The following CSPP1 variants were observed in gnomAD, a reference collection of about 807,000 sequenced individuals.
CSPP1 encodes centrosome and spindle pole-associated protein 1.
CSPP1 carries 126 observed loss-of-function variants against 164.4 expected under a neutral mutation model. That is an observed-to-expected ratio of 0.77 (90% CI 0.66 to 0.89). CSPP1 has a LOEUF of 0.89. Among genes scored for constraint, CSPP1 ranks in the 40% least tolerant of loss-of-function variants. CSPP1 has a pLI of 0.00. For synonymous variants in CSPP1, 472 were observed against 476.7 expected (o/e 0.99, Z 0.13); for missense variants, 1,395 against 1,449.8 (o/e 0.96, Z 0.61).
At chr8:67,150,339 T>C (rs1382441206) in intron 18 of CSPP1, among the ~76,000 whole-genome samples, 2 of 152,190 alleles carry the variant, frequency 1.3e-5, no homozygotes, top group African/African-American at 4.8e-5. Context: ...AAATTCATTT[T>C]TTACTTGTTT....
intron 1 of CSPP1, among the ~76,000 whole-genome samples, chr8:67,073,012 C>A (rs1807161762): frequency 6.6e-6 from 1 of 151,528 alleles, no homozygotes; most frequent in Admixed American, 6.6e-5. Context: ...CAGAGAAATG[C>A]AGATTAAAAC....
At chr8:67,132,193 A>G in intron 16 of CSPP1, 113 bp downstream of exon 16, 4 of 1,107,922 alleles carry the variant, frequency 3.6e-6, no homozygotes, top group Non-Finnish European at 5.0e-6. Flanking sequence ...TTATAATTCA[A>G]AATGCTGAGT....
intron 1 of CSPP1, among the ~76,000 whole-genome samples, chr8:67,070,462 CA>C (rs1211009546): frequency 0.023 from 1,840 of 79,810 alleles, 16 homozygotes; most frequent in Non-Finnish European, 0.034. Flanking sequence ...GACTCCATCT[CA>C]AAAAAAAAAA....
intron 24 of CSPP1, among the ~76,000 whole-genome samples, chr8:67,165,066 C>T (rs113657615): frequency 2.0e-5 from 3 of 152,182 alleles, no homozygotes; most frequent in Non-Finnish European, 2.9e-5. Context: ...GGGCGGATCA[C>T]GAGGTCAGGA....
chr8:67,166,676 A>C (rs60435775), intron 24 of CSPP1, among the ~76,000 whole-genome samples: 2,379 of 151,330 alleles, frequency 0.016, 56 homozygotes, highest in African/African-American at 0.053. Context: ...TAAATGCCTT[A>C]ACTGTGCAGC....
In CSPP1 at chr8:67,111,956, T is replaced by G. The variant is rs755715483; in HGVS notation, c.1094-16T>G. Reference sequence around the variant, plus strand: ...CTTAAGAGTTAAGATTGTATTTTTCTCATACCACTATCTAGGAGGTGAAGA... The same window carrying G: ...CTTAAGAGTTAAGATTGTATTTTTCGCATACCACTATCTAGGAGGTGAAGA... On this transcript the variant is annotated splice_polypyrimidine_tract_variant and intron_variant, in intron 9 of 30. Transcript: ENST00000678616. 6.6e-7 allele frequency: 1 copy of G among 1,520,534 alleles called. No individual in the cohort carries two copies. Among genetic ancestry groups the G allele is most frequent in the African/African-American group, 1.4e-5 (1 of 72,504 alleles). 94.2% of individuals were successfully genotyped at this position (1,520,534 alleles called of 1,614,324 possible).
At position 67,159,948 on chromosome 8, in the gene CSPP1, TCC is replaced by T. The variant is rs1827773426; in HGVS notation, c.2538+812_2538+813del. On this transcript the variant is annotated intron_variant, in intron 21 of 30. Transcript: ENST00000678616. ...TCCTTTCCTTCCTTCCTTCCTTCCT[TCC>T]TTCCTTCTTTCTTTTCTTTTCTTTT... 8.3e-5 allele frequency among the ~76,000 whole-genome samples: 6 copies of T among 72,584 alleles called. 1 individual carries two copies. Among genetic ancestry groups the T allele is most frequent in the East Asian group, 3.3e-4 (1 of 3,044 alleles). The allele number at this position is 72,584 out of a possible 152,430, so 47.6% of individuals were successfully genotyped here.
rs752084244 is a variant in CSPP1, at chr8:67,095,506, A to G, written c.697A>G (p.Lys233Glu). ...EIELRNRRII[K>E]KANEEVGISN... Reference sequence around the variant, plus strand: ...CGAATTAAGGAATAGAAGAATTATTAAAAAAGCAAATGAAGAAGTGGGCAT... The same window carrying G: ...CGAATTAAGGAATAGAAGAATTATTGAAAAAGCAAATGAAGAAGTGGGCAT... The change falls in exon 7 of 31, where the codon AAA (lysine) becomes GAA (glutamate). Residue 233 changes from lysine to glutamate, a missense_variant. Coordinates refer to ENST00000678616, the MANE Select transcript of CSPP1 (RefSeq NM_001382391.1). 6 of 1,613,470 alleles carry G rather than the reference A, an allele frequency of 3.7e-6. No individual in the cohort carries two copies. Among genetic ancestry groups the G allele is most frequent in the Non-Finnish European group, 5.1e-6 (6 of 1,179,750 alleles).
intron 17 of CSPP1, among the ~76,000 whole-genome samples, chr8:67,141,185 C>G (rs1010543933): frequency 2.0e-5 from 3 of 152,144 alleles, no homozygotes; most frequent in Admixed American, 1.3e-4. Flanking sequence ...TTATTGTGTT[C>G]TGTATGCCTT....
rs1052723786 is a variant in CSPP1, at chr8:67,118,689, T to G, written c.1619-54T>G. On this transcript the variant is annotated intron_variant, in intron 14 of 30. Transcript: ENST00000678616. The stretch of plus-strand genomic sequence containing the variant: ...TTTTCTGGAGGAATAAGTAAAATAT[T>G]ATTAAATGATTATTCTAAATAAACT... 7.4e-6 allele frequency: 9 copies of G among 1,211,808 alleles called. No homozygotes were observed. The African/African-American group carries it at 1.1e-4, about 14-fold the overall frequency. 75.1% of individuals were successfully genotyped at this position (1,211,808 alleles called of 1,614,324 possible).
At position 67,064,604 on chromosome 8, in the gene CSPP1, G is replaced by T. The variant is rs1029518663; in HGVS notation, c.-11+66G>T. The T allele has an allele frequency of 3.3e-5, 48 of 1,445,598 alleles. No homozygotes were observed. The Middle Eastern group carries it at 6.3e-4, about 19-fold the overall frequency. 89.5% of individuals were successfully genotyped at this position (1,445,598 alleles called of 1,614,324 possible). ...GGGGCTGCATTCGCTGCCCCGGAGC[G>T]GGGGCAGGGGCAGTGGCTCCCTCGG... is the stretch of plus-strand genomic sequence containing the variant. On this transcript the variant is annotated intron_variant, in intron 1 of 30. Transcript: ENST00000678616.
intron 15 of CSPP1, among the ~76,000 whole-genome samples, chr8:67,127,232 T>C (rs1299302205): frequency 6.6e-6 from 1 of 152,212 alleles, no homozygotes; most frequent in Non-Finnish European, 1.5e-5. Flanking sequence ...CAAGCTGCTA[T>C]AACAAAATAT....
chr8:67,172,300 A>G, intron 24 of CSPP1, 116 bp from the exon 25 acceptor site: 1 of 744,546 alleles, frequency 1.3e-6, no homozygotes, highest in Non-Finnish European at 2.2e-6. Context: ...GTCCTAGAGT[A>G]ATTTTTTAAT....
chr8:67,086,779 T>C (rs755609287), intron 4 of CSPP1: 2 of 1,213,412 alleles, frequency 1.6e-6, no homozygotes, highest in Admixed American at 4.0e-5. Flanking sequence ...GAATGAACTT[T>C]GACTTAATAC....
chr8:67,193,483 T>G lies in CSPP1; in HGVS notation c.3350T>G (p.Val1117Gly). 6.2e-7 allele frequency: 1 copy of G among 1,613,430 alleles called. No homozygotes were observed. The highest frequency in any genetic ancestry group is 1.1e-5 in the South Asian group (1 of 91,058). The stretch of plus-strand genomic sequence containing the variant: ...CTACAGGATAGCAGTCGTCCTAATG[T>G]AGCACCAGATGGTCTCTCTCTAAAA... ...GLDIDSSRPN[V>G]APDGLSLKSI... The change falls in exon 30 of 31, where the codon GTA becomes GGA. Residue 1117 changes from valine (V) to glycine (G), a missense_variant. Val to Gly is a moderately radical substitution (Grantham distance 109). Coordinates refer to ENST00000678616, the MANE Select transcript of CSPP1 (RefSeq NM_001382391.1).
At chr8:67,183,041 C>T (rs187551589) in intron 28 of CSPP1, among the ~76,000 whole-genome samples, 3 of 152,324 alleles carry the variant, frequency 2.0e-5, no homozygotes, top group African/African-American at 7.2e-5. Flanking sequence ...TCTAAGACAT[C>T]GTTGCCAAAT....
intron 17 of CSPP1, among the ~76,000 whole-genome samples, chr8:67,143,449 T>C (rs950863532): frequency 7.2e-5 from 11 of 152,116 alleles, no homozygotes; most frequent in Admixed American, 4.6e-4. Flanking sequence ...TTACTATTAC[T>C]ATTACTTTGT....
chr8:67,137,530 A>G lies in CSPP1; in HGVS notation c.1902A>G (p.Glu634=). ...AATATGAAGCTAAATTAGAAGCTGA[A>G]ATGAGAACATATAATCCCTGGGGAA... ...KEEYEAKLEA[E]MRTYNPWGKG... The change falls in exon 17 of 31, where the codon GAA becomes GAG. Residue 634 remains glutamate (E), a synonymous_variant. Transcript: ENST00000678616. 3 of 1,596,808 alleles carry G rather than the reference A, an allele frequency of 1.9e-6. No homozygotes were observed. The highest frequency in any genetic ancestry group is 2.6e-6 in the Non-Finnish European group (3 of 1,170,922).
At chr8:67,194,502 T>C (rs1837326313) in intron 30 of CSPP1, among the ~76,000 whole-genome samples, 2 of 152,186 alleles carry the variant, frequency 1.3e-5, no homozygotes, top group African/African-American at 4.8e-5. Flanking sequence ...GGCATTTTCT[T>C]TTAGACCCAA....
Sources: gnomAD v4.1 joint callset for allele counts (sites outside exome capture counted in the v4.1 genomes callset) on GRCh38, gnomAD v4.1.1 for gene constraint, MANE v1.5 for transcripts, NCBI Gene and HGNC (gene_info 2026-07-23, HGNC 2026-07-21) for gene names.